The following AKAP6 variants were observed in gnomAD, a reference collection of about 807,000 sequenced individuals.
AKAP6 encodes the protein A-kinase anchoring protein 6, also known as A-kinase anchor protein 6.
In AKAP6, 58 loss-of-function variants were observed where a neutral mutation model predicts 188.5. The ratio of observed to expected loss-of-function variants is 0.31; its 90% CI spans 0.25 to 0.38. The LOEUF is 0.38. Among genes scored for constraint, AKAP6 ranks in the 10% least tolerant of loss-of-function variants. The pLI is 1.00. For missense variants in AKAP6, 2,710 were observed against 2,740.0 expected (o/e 0.99, Z 0.24); for synonymous variants, 989 against 998.6 (o/e 0.99, Z 0.18).
chr14:32,343,898 C>G (rs984533081), intron 1 of AKAP6, among the ~76,000 whole-genome samples: 3 of 152,048 alleles, frequency 2.0e-5, no homozygotes, highest in Non-Finnish European at 4.4e-5. Flanking sequence ...TTCTCTAGCT[C>G]TCTGTGGTCA....
At chr14:32,550,859 C>CA (rs1401006222) in intron 4 of AKAP6, among the ~76,000 whole-genome samples, 3 of 152,312 alleles carry the variant, frequency 2.0e-5, no homozygotes, top group African/African-American at 7.2e-5. Context: ...TTCTAGCCCC[C>CA]ATCACCTCCT....
Position 32,814,775 on chromosome 14 carries a change from C to G in AKAP6, c.3589-6627C>G, listed in dbSNP as rs1364889520. On this transcript the variant is annotated intron_variant, in intron 12 of 13. Transcript: ENST00000280979. Reference sequence around the variant, plus strand: ...ACAGGGTCTCACTGTGTCATCCAGGCTGGAATGCAGTGGTACAATCATAGC... The same window carrying G: ...ACAGGGTCTCACTGTGTCATCCAGGGTGGAATGCAGTGGTACAATCATAGC... 4.6e-5 allele frequency among the ~76,000 whole-genome samples: 7 copies of G among 152,110 alleles called. 1 individual carries two copies. The South Asian group carries it at 1.5e-3, about 32-fold the overall frequency.
intron 2 of AKAP6, among the ~76,000 whole-genome samples, chr14:32,461,980 A>G (rs1454903359): frequency 6.6e-6 from 1 of 151,928 alleles, no homozygotes. Context: ...AAAGGATATC[A>G]GAGATTGAAG....
At chr14:32,470,196 G>A (rs1203446009) in intron 2 of AKAP6, among the ~76,000 whole-genome samples, 1 of 152,124 alleles carries the variant, frequency 6.6e-6, no homozygotes, top group Non-Finnish European at 1.5e-5. Context: ...GTGGTCTGTG[G>A]ACTGGACGCT....
chr14:32,665,756 A>T (rs1447664421), intron 7 of AKAP6, among the ~76,000 whole-genome samples: 1 of 152,192 alleles, frequency 6.6e-6, no homozygotes, highest in South Asian at 2.1e-4. Flanking sequence ...ACCCAGCATT[A>T]TAACCAAGGA....
chr14:32,769,441 T>C (rs1436184911), intron 11 of AKAP6, among the ~76,000 whole-genome samples: 1 of 152,124 alleles, frequency 6.6e-6, no homozygotes, highest in Non-Finnish European at 1.5e-5. Context: ...TTATCATATA[T>C]GCAGATTATA....
intron 2 of AKAP6, among the ~76,000 whole-genome samples, chr14:32,532,608 T>C (rs902912336): frequency 6.6e-6 from 1 of 152,186 alleles, no homozygotes; most frequent in African/African-American, 2.4e-5. Context: ...TAACATTTTG[T>C]ATTGCAGGAT....
In AKAP6 at chr14:32,546,335, G is replaced by A. The variant is rs1208942469; in HGVS notation, c.1682G>A (p.Ser561Asn). 1.2e-6 allele frequency: 2 copies of A among 1,614,194 alleles called. No homozygotes were observed. Among genetic ancestry groups the A allele is most frequent in the East Asian group, 4.5e-5 (2 of 44,888 alleles). The change falls in exon 4 of 14, where the codon AGT (serine) becomes AAT (asparagine). Residue 561 changes from serine (S) to asparagine (N), a missense_variant. Transcript: ENST00000280979. ...TCACTTGAGCCTTGTAATCAGAGAA[G>A]TTGGAATGCCAAATTGCAATTGCAG... ...TSSLEPCNQR[S>N]WNAKLQLQSE...
In AKAP6 at chr14:32,598,679, G is replaced by A. The variant is rs535660039; in HGVS notation, c.2470-731G>A. The stretch of plus-strand genomic sequence containing the variant: ...TACAATAGAAGCAGATATAAGGAGC[G>A]GAGAGGGGGGAGTAATTAATTCCAC... On this transcript the variant is annotated intron_variant, in intron 5 of 13. Coordinates refer to ENST00000280979, the MANE Select transcript of AKAP6 (RefSeq NM_004274.5). Among the ~76,000 whole-genome samples the A allele has an allele frequency of 7.9e-4, 120 of 152,260 alleles. 1 individual carries two copies. The highest frequency in any genetic ancestry group is 1.3e-3 in the Non-Finnish European group (89 of 68,006).
intron 11 of AKAP6, among the ~76,000 whole-genome samples, chr14:32,737,210 G>C (rs903443583): frequency 6.6e-6 from 1 of 152,066 alleles, no homozygotes; most frequent in African/African-American, 2.4e-5. Context: ...ACCTTGAGGA[G>C]TTTGATCAGA....
chr14:32,466,985 G>A (rs774789617), intron 2 of AKAP6, among the ~76,000 whole-genome samples: 6 of 150,840 alleles, frequency 4.0e-5, no homozygotes, highest in Non-Finnish European at 8.8e-5. Flanking sequence ...ATGGTATTGT[G>A]GTTGTATTTG....
At chr14:32,672,983 T>C (rs1002088158) in intron 7 of AKAP6, among the ~76,000 whole-genome samples, 3 of 152,160 alleles carry the variant, frequency 2.0e-5, no homozygotes, top group African/African-American at 7.2e-5. Context: ...CAAGATAGCA[T>C]ACAAATTTTC....
At chr14:32,626,861 C>A (rs963973952) in intron 7 of AKAP6, among the ~76,000 whole-genome samples, 2 of 152,102 alleles carry the variant, frequency 1.3e-5, no homozygotes, top group African/African-American at 4.8e-5. Context: ...AGGAACTATA[C>A]CTTTCATCTT....
chr14:32,483,281 C>T (rs1879460335), intron 2 of AKAP6, among the ~76,000 whole-genome samples: 1 of 151,864 alleles, frequency 6.6e-6, no homozygotes, highest in Non-Finnish European at 1.5e-5. Flanking sequence ...AATACTTTTT[C>T]TTTATGAAGG....
intron 1 of AKAP6, among the ~76,000 whole-genome samples, chr14:32,390,909 C>G (rs1209487664): frequency 6.6e-6 from 1 of 152,130 alleles, no homozygotes; most frequent in Non-Finnish European, 1.5e-5. Context: ...TCTAGTCCTG[C>G]CTCCTGTCCG....
At chr14:32,401,441 A>G (rs1889089140) in intron 1 of AKAP6, among the ~76,000 whole-genome samples, 1 of 151,988 alleles carries the variant, frequency 6.6e-6, no homozygotes, top group African/African-American at 2.4e-5. Flanking sequence ...TGAACTACTA[A>G]TTTTCTGTGA....
intron 2 of AKAP6, among the ~76,000 whole-genome samples, chr14:32,477,725 A>G (rs1254073275): frequency 6.6e-6 from 1 of 152,196 alleles, no homozygotes; most frequent in Non-Finnish European, 1.5e-5. Context: ...TCTTTATAGC[A>G]ATCTTGCTAC....
chr14:32,355,198 T>C (rs1230980450), intron 1 of AKAP6, among the ~76,000 whole-genome samples: 1 of 152,238 alleles, frequency 6.6e-6, no homozygotes, highest in Non-Finnish European at 1.5e-5. Flanking sequence ...ATACAAACTA[T>C]AATTGGTAAA....
In AKAP6 at chr14:32,594,241, T is replaced by C. The variant is rs77964531; in HGVS notation, c.2470-5169T>C. 3.5e-3 allele frequency among the ~76,000 whole-genome samples: 532 copies of C among 152,332 alleles called. 2 individuals carry two copies. The highest frequency in any genetic ancestry group is 0.012 in the African/African-American group (507 of 41,590). On this transcript the variant is annotated intron_variant, in intron 5 of 13. Coordinates refer to ENST00000280979, the MANE Select transcript of AKAP6 (RefSeq NM_004274.5). ...GAACTTGTTCCATAAGATCAGACCA[T>C]GGTAACTCCAAGTTCAACCCTGTAC...
Sources: allele counts gnomAD v4.1 joint callset (sites outside exome capture counted in the v4.1 genomes callset), GRCh38; gene constraint gnomAD v4.1.1; transcripts MANE v1.5; gene names NCBI Gene and HGNC (gene_info 2026-07-23, HGNC 2026-07-21).